Variants in APPL1 observed in about 807,000 individuals in gnomAD.
APPL1 encodes DCC-interacting protein 13-alpha.
In APPL1, 42 loss-of-function variants were observed where a neutral mutation model predicts 106.8. The ratio of observed to expected loss-of-function variants is 0.39; its 90% confidence interval spans 0.31 to 0.51. The LOEUF (loss-of-function observed/expected upper bound fraction) is 0.51, where lower values mean the gene tolerates loss of function less well. Ranked by LOEUF, APPL1 falls within the 20% of genes least tolerant of loss-of-function variation. The probability of loss-of-function intolerance (pLI) is 0.75; values close to 1 mark genes in which losing one functional copy is unlikely to be tolerated. For synonymous variants in APPL1, 263 were observed against 281.8 expected (o/e 0.93, Z 0.67); for missense variants, 769 against 858.2 (o/e 0.90, Z 1.30).
chr3:57,229,376 C>T (rs984032363), intron 1 of APPL1, among the ~76,000 whole-genome samples: 4 of 151,880 alleles, frequency 2.6e-5, no homozygotes, highest in Non-Finnish European at 4.4e-5. Flanking sequence ...GAATGGATTG[C>T]ACACTGCCCT....
chr3:57,260,945 A>G (rs1483526454), intron 19 of APPL1, among the ~76,000 whole-genome samples, 171 bp downstream of exon 19: 1 of 152,238 alleles, frequency 6.6e-6, no homozygotes, highest in African/African-American at 2.4e-5. Flanking sequence ...CATGTATAGA[A>G]TGTACAGTAA....
intron 1 of APPL1, among the ~76,000 whole-genome samples, chr3:57,232,796 A>T (rs1422221975): frequency 6.6e-6 from 1 of 152,110 alleles, no homozygotes; most frequent in African/African-American, 2.4e-5. Flanking sequence ...AGGTCAGGAG[A>T]TCGAGACCAT....
At chr3:57,252,626 T>C (rs531919335) in intron 12 of APPL1, among the ~76,000 whole-genome samples, 2 of 152,262 alleles carry the variant, frequency 1.3e-5, no homozygotes, top group African/African-American at 4.8e-5. Flanking sequence ...TTTATTCCCT[T>C]CTCTCACCAA....
rs552325245 is a variant in APPL1, at chr3:57,270,666, T to A, written c.*979T>A. ...AAATGTAATCTTTTAAATTTCAGAC[T>A]GATATATTCCCAGTATTTTCATAAT... On this transcript the variant is annotated 3_prime_UTR_variant, in exon 22 of 22. Transcript: ENST00000288266. 6 of 152,764 alleles carry A rather than the reference T, an allele frequency of 3.9e-5. No homozygotes were observed. In the South Asian group the frequency reaches 1.2e-3, roughly 32 times the overall value. 9.5% of individuals were successfully genotyped at this position (152,764 alleles called of 1,614,324 possible).
rs746072561 is a variant in APPL1, at chr3:57,249,467, A to G, written c.971A>G (p.Asp324Gly). Reference sequence around the variant, plus strand: ...GATGTAGCAGGAGGCCTGGCCATGGACATAGACAACTGTTCAGTGATGGCT... The same window carrying G: ...GATGTAGCAGGAGGCCTGGCCATGGGCATAGACAACTGTTCAGTGATGGCT... ...RGDVAGGLAM[D>G]IDNCSVMAVD... Residue 324 changes from aspartate to glycine, a missense_variant, in exon 11 of 22, where the codon GAC (aspartate) becomes GGC (glycine). Physicochemically the swap from Asp to Gly is moderately conservative, Grantham distance 94. Transcript: ENST00000288266. 3 of 1,614,196 alleles carry G rather than the reference A, an allele frequency of 1.9e-6. No individual in the cohort carries two copies. The highest frequency in any genetic ancestry group is 3.3e-5 in the Admixed American group (2 of 60,020).
rs950595248 is a variant in APPL1, at chr3:57,271,189, C to T, written c.*1502C>T. Reference sequence around the variant, plus strand: ...CTTAGTTCTGCATTAGAAATGGCATCTGTTTTAGGTCTCAAAATATAACTC... The same window carrying T: ...CTTAGTTCTGCATTAGAAATGGCATTTGTTTTAGGTCTCAAAATATAACTC... On this transcript the variant is annotated 3_prime_UTR_variant, in exon 22 of 22. Coordinates refer to ENST00000288266, the MANE Select transcript of APPL1 (RefSeq NM_012096.3). 1.3e-5 allele frequency: 2 copies of T among 151,436 alleles called. No homozygotes were observed. The highest frequency in any genetic ancestry group is 4.9e-5 in the African/African-American group (2 of 40,874). The allele number at this position is 151,436 out of a possible 1,614,324, so 9.4% of individuals were successfully genotyped here. A position where few individuals can be genotyped will look rare whatever the true frequency, so the allele number is the denominator to read the frequency against.
intron 1 of APPL1, among the ~76,000 whole-genome samples, chr3:57,232,558 A>T (rs1220870456): frequency 6.6e-6 from 1 of 152,236 alleles, no homozygotes; most frequent in African/African-American, 2.4e-5. Flanking sequence ...ATGTCAAATG[A>T]CATCATCAAA....
At position 57,271,304 on chromosome 3, in the gene APPL1, A is replaced by G. The variant is rs1559517610; in HGVS notation, c.*1617A>G. 6.6e-6 allele frequency: 1 copy of G among 152,578 alleles called. No homozygotes were observed. Among genetic ancestry groups the G allele is most frequent in the Non-Finnish European group, 1.5e-5 (1 of 68,016 alleles). The allele number at this position is 152,578 out of a possible 1,614,324, so 9.5% of individuals were successfully genotyped here. On this transcript the variant is annotated 3_prime_UTR_variant, in exon 22 of 22. Coordinates refer to ENST00000288266, the MANE Select transcript of APPL1 (RefSeq NM_012096.3). ...TGATATTCCTTCTATCCATGTGCCA[A>G]ATGGGTGTAATGTTTATTTACTGAT...
rs34912084 is a variant in APPL1, at chr3:57,236,044, C to CTT, written c.153+396_153+397dup. Reference sequence around the variant, plus strand: ...CTTATGGAGCACTTCCCCACCCCCACTTTTTTTTTTTTTTTTTGAGATGGA... The same window carrying CTT: ...CTTATGGAGCACTTCCCCACCCCCACTTTTTTTTTTTTTTTTTTTGAGATGGA... On this transcript the variant is annotated intron_variant, in intron 2 of 21. Transcript: ENST00000288266. 1.6e-3 allele frequency among the ~76,000 whole-genome samples: 210 copies of CTT among 131,330 alleles called. 1 individual carries two copies. The Middle Eastern group carries it at 0.023, about 15-fold the overall frequency. 86.2% of individuals were successfully genotyped at this position (131,330 alleles called of 152,430 possible). A position where few individuals can be genotyped will look rare whatever the true frequency, so the allele number is the denominator to read the frequency against.
At chr3:57,251,239 A>G (rs1472111194) in intron 11 of APPL1, among the ~76,000 whole-genome samples, 1 of 150,722 alleles carries the variant, frequency 6.6e-6, no homozygotes, top group African/African-American at 2.4e-5. Context: ...AAAAGATACT[A>G]TAGGCCGGGC....
intron 9 of APPL1, 54 bp from the exon 10 acceptor site, chr3:57,248,139 G>T: frequency 6.5e-7 from 1 of 1,538,376 alleles, no homozygotes; most frequent in Non-Finnish European, 8.8e-7. Context: ...AACATGATTG[G>T]TAAGGAGTTC....
At chr3:57,245,547 A>ATTTTT (rs749542390) in intron 7 of APPL1, among the ~76,000 whole-genome samples, 6 of 143,782 alleles carry the variant, frequency 4.2e-5, no homozygotes, top group Non-Finnish European at 4.6e-5. Context: ...TTCAATATGC[A>ATTTTT]GTTTTTTTTT....
At chr3:57,260,946 T>C (rs1442894745) in intron 19 of APPL1, among the ~76,000 whole-genome samples, 172 bp downstream of exon 19, 1 of 152,234 alleles carries the variant, frequency 6.6e-6, no homozygotes, top group Non-Finnish European at 1.5e-5. Flanking sequence ...ATGTATAGAA[T>C]GTACAGTAAG....
rs182117217 is a variant in APPL1 at position 57,258,216 on chromosome 3, G to A, written c.1430+788G>A. 2.4e-3 allele frequency among the ~76,000 whole-genome samples: 358 copies of A among 152,178 alleles called. 1 individual carries two copies. The highest frequency in any genetic ancestry group is 2.9e-3 in the Non-Finnish European group (194 of 68,004). On this transcript the variant is annotated intron_variant, in intron 15 of 21. Coordinates refer to ENST00000288266, the MANE Select transcript of APPL1 (RefSeq NM_012096.3). The stretch of plus-strand genomic sequence containing the variant: ...TCTGTTGCCCAGGCTGGAGTGCAGC[G>A]GCATGATCATAGCTCACTGCAGCTT...
chr3:57,272,236 G>A lies in APPL1; in HGVS notation c.*2549G>A, dbSNP rs535596618. On this transcript the variant is annotated 3_prime_UTR_variant, in exon 22 of 22. Coordinates refer to ENST00000288266, the MANE Select transcript of APPL1 (RefSeq NM_012096.3). The stretch of plus-strand genomic sequence containing the variant: ...ACTATGGCAATGAAGTCAGTAGATA[G>A]GAAACCAGTTATTCCTTCTACCTTT... 2.0e-5 allele frequency: 3 copies of A among 152,302 alleles called. 1 individual carries two copies. The South Asian group carries it at 6.2e-4, about 32-fold the overall frequency. 9.4% of individuals were successfully genotyped at this position (152,302 alleles called of 1,614,324 possible).
chr3:57,236,545 C>T (rs1297591497), intron 2 of APPL1, among the ~76,000 whole-genome samples: 1 of 152,060 alleles, frequency 6.6e-6, no homozygotes, highest in Admixed American at 6.6e-5. Flanking sequence ...CCAGGCTGGT[C>T]TCGAACTCCT....
intron 11 of APPL1, among the ~76,000 whole-genome samples, chr3:57,251,811 A>C (rs1196643883): frequency 6.6e-6 from 1 of 152,156 alleles, no homozygotes; most frequent in Non-Finnish European, 1.5e-5. Flanking sequence ...TCTAATATCT[A>C]TAGAAAAGCG....
At chr3:57,257,643 A>G (rs2060844510) in intron 15 of APPL1, among the ~76,000 whole-genome samples, 1 of 152,174 alleles carries the variant, frequency 6.6e-6, no homozygotes, top group Non-Finnish European at 1.5e-5. Flanking sequence ...TAGTTTCCAA[A>G]TATTTAATTC....
intron 19 of APPL1, among the ~76,000 whole-genome samples, chr3:57,261,312 G>A (rs2060863925): frequency 6.6e-6 from 1 of 152,304 alleles, no homozygotes; most frequent in South Asian, 2.1e-4. Context: ...TGGCTGAATA[G>A]TACTCCATTG....
Sources: gnomAD v4.1 joint callset for allele counts (sites outside exome capture counted in the v4.1 genomes callset) on GRCh38, gnomAD v4.1.1 for gene constraint, MANE v1.5 for transcripts, NCBI Gene and HGNC (gene_info 2026-07-23, HGNC 2026-07-21) for gene names.